TMEM266: variants seen among roughly 807,000 people sequenced by gnomAD.
TMEM266 encodes Hv1 related protein 1.
TMEM266 carries 33 observed loss-of-function variants against 50.5 expected under a neutral mutation model. That is an observed-to-expected ratio of 0.65 (90% CI 0.50 to 0.87). The LOEUF is 0.87. Ranked by LOEUF, TMEM266 falls within the 40% of genes least tolerant of loss-of-function variation. The pLI, the probability that TMEM266 is intolerant of heterozygous loss-of-function variation, is 0.00. For missense variants in TMEM266, 655 were observed against 695.1 expected (o/e 0.94, Z 0.65); for synonymous variants, 310 against 292.3 (o/e 1.06, Z -0.62).
chr15:76,097,191 G>T (rs1259166235), intron 1 of TMEM266, among the ~76,000 whole-genome samples: 3 of 151,954 alleles, frequency 2.0e-5, no homozygotes, highest in Non-Finnish European at 4.4e-5. Flanking sequence ...GTCAATTGAT[G>T]CAGTTTCTTC....
At chr15:76,189,459 C>T (rs1019780919) in intron 8 of TMEM266, among the ~76,000 whole-genome samples, 2 of 152,122 alleles carry the variant, frequency 1.3e-5, no homozygotes, top group African/African-American at 2.4e-5. Context: ...TAGTGAATTG[C>T]GGGGAAATGA....
chr15:76,144,330 G>T (rs1461673976), intron 3 of TMEM266, among the ~76,000 whole-genome samples: 1 of 150,156 alleles, frequency 6.7e-6, no homozygotes, highest in Admixed American at 6.6e-5. Flanking sequence ...GAAGCCTGCT[G>T]TGGTTACCTC....
chr15:76,161,624 C>T lies in TMEM266; in HGVS notation c.456+1456C>T, dbSNP rs960907571. On this transcript the variant is annotated intron_variant, in intron 5 of 10. Coordinates refer to ENST00000388942, the MANE Select transcript of TMEM266 (RefSeq NM_152335.3). The surrounding 1 kb of genome is among the most constrained non-coding windows in gnomAD (Gnocchi z 4.1). The stretch of plus-strand genomic sequence containing the variant: ...GCCTCGCCTCCTACAGCCCACGGAG[C>T]TGGCTGGTGAGCCTGGGCCTGAGGC... Among the ~76,000 whole-genome samples, 1 of 152,212 alleles carries T rather than the reference C, an allele frequency of 6.6e-6. No individual in the cohort carries two copies. Among genetic ancestry groups the T allele is most frequent in the Non-Finnish European group, 1.5e-5 (1 of 68,030 alleles).
intron 9 of TMEM266, among the ~76,000 whole-genome samples, chr15:76,196,230 C>A (rs1029728021): frequency 1.3e-5 from 2 of 152,168 alleles, no homozygotes; most frequent in Non-Finnish European, 2.9e-5. Flanking sequence ...CCCTGGGATC[C>A]CCCTGCCCAC....
At chr15:76,187,625 T>G (rs1289749533) in intron 8 of TMEM266, among the ~76,000 whole-genome samples, 1 of 152,226 alleles carries the variant, frequency 6.6e-6, no homozygotes, top group Non-Finnish European at 1.5e-5. Flanking sequence ...TTTGAGTGTT[T>G]TAAGTGCTGG....
rs568809810 is a variant in TMEM266 at position 76,193,165 on chromosome 15, G to A, written c.958+1008G>A. On this transcript the variant is annotated intron_variant, in intron 9 of 10. Coordinates refer to ENST00000388942, the MANE Select transcript of TMEM266 (RefSeq NM_152335.3). Reference sequence around the variant, plus strand: ...TGCCTCACAGGACTTACGAGGAACCGATGGGTGTGAGAAAGCTCTGAGGGC... The same window carrying A: ...TGCCTCACAGGACTTACGAGGAACCAATGGGTGTGAGAAAGCTCTGAGGGC... 2.6e-5 allele frequency among the ~76,000 whole-genome samples: 4 copies of A among 152,326 alleles called. No homozygotes were observed. The East Asian group carries it at 7.7e-4, about 29-fold the overall frequency.
chr15:76,200,516 T>G (rs1310527949), intron 9 of TMEM266, among the ~76,000 whole-genome samples: 1 of 152,202 alleles, frequency 6.6e-6, no homozygotes, highest in African/African-American at 2.4e-5. Context: ...CTCCTGCAAG[T>G]GGCTCTTGGG....
At chr15:76,172,050 A>G (rs1397859709) in intron 7 of TMEM266, among the ~76,000 whole-genome samples, 1 of 152,068 alleles carries the variant, frequency 6.6e-6, no homozygotes, top group Non-Finnish European at 1.5e-5. Flanking sequence ...GAAGAGGCCC[A>G]CCCCACCTCA....
chr15:76,196,960 A>C (rs1013858565), intron 9 of TMEM266, among the ~76,000 whole-genome samples: 14 of 152,372 alleles, frequency 9.2e-5, no homozygotes, highest in Non-Finnish European at 8.8e-5. Context: ...AAGCTCGCCC[A>C]TAACTTATGA....
chr15:76,064,584 G>A (rs1170125292), intron 1 of TMEM266, among the ~76,000 whole-genome samples: 1 of 152,266 alleles, frequency 6.6e-6, no homozygotes, highest in East Asian at 1.9e-4. Flanking sequence ...CCTCCTCCCG[G>A]ATGGCTTTAA....
intron 1 of TMEM266, among the ~76,000 whole-genome samples, chr15:76,123,901 C>A (rs998841175): frequency 6.6e-6 from 1 of 152,114 alleles, no homozygotes; most frequent in Non-Finnish European, 1.5e-5. Context: ...TTAGTAGAGA[C>A]GGGGTTTCGC....
intron 1 of TMEM266, among the ~76,000 whole-genome samples, chr15:76,106,876 T>A (rs191012589): frequency 2.0e-5 from 3 of 152,378 alleles, no homozygotes; most frequent in Admixed American, 6.5e-5. Flanking sequence ...AATTTTCAAG[T>A]ATACTATCTA....
intron 1 of TMEM266, among the ~76,000 whole-genome samples, chr15:76,075,154 G>C (rs111533875): frequency 1.3e-3 from 193 of 152,176 alleles, no homozygotes; most frequent in Non-Finnish European, 2.3e-3. Flanking sequence ...GGAGAAGATG[G>C]GGCTGGAGAC....
At chr15:76,102,359 G>A (rs1375400823) in intron 1 of TMEM266, among the ~76,000 whole-genome samples, 2 of 152,130 alleles carry the variant, frequency 1.3e-5, no homozygotes, top group Admixed American at 1.3e-4. Context: ...ATAAAGCTGG[G>A]AGATAGGGAA....
intron 1 of TMEM266, among the ~76,000 whole-genome samples, chr15:76,089,715 A>C (rs2036823922): frequency 6.6e-6 from 1 of 152,180 alleles, no homozygotes; most frequent in African/African-American, 2.4e-5. Context: ...TGAAGGATGT[A>C]CCGACAGGAG....
chr15:76,156,532 G>T (rs1434585617), intron 3 of TMEM266, 72 bp from the exon 4 acceptor site: 8 of 1,532,648 alleles, frequency 5.2e-6, no homozygotes, highest in Non-Finnish European at 7.1e-6. Context: ...TGAGAGCAGG[G>T]CTTTGGCCGG....
intron 9 of TMEM266, among the ~76,000 whole-genome samples, chr15:76,196,147 G>A (rs2038652784): frequency 6.6e-6 from 1 of 152,244 alleles, no homozygotes; most frequent in Admixed American, 6.5e-5. Context: ...TATCTGGATA[G>A]GGCAGGCCCA....
Position 76,140,092 on chromosome 15 carries a change from G to A in TMEM266, c.227+2197G>A, listed in dbSNP as rs561102580. Among the ~76,000 whole-genome samples, 26 of 152,346 alleles carry A rather than the reference G, an allele frequency of 1.7e-4. No individual in the cohort carries two copies. In the South Asian group the frequency reaches 5.2e-3, roughly 30 times the overall value. ...CCAAACAAACGAATCCAAATGAAGCGCCTGCAAGGCAGAGAGGCCTTTGAT... is the reference window on the plus strand; with the variant it reads ...CCAAACAAACGAATCCAAATGAAGCACCTGCAAGGCAGAGAGGCCTTTGAT... On this transcript the variant is annotated intron_variant, in intron 3 of 10. Coordinates refer to ENST00000388942, the MANE Select transcript of TMEM266 (RefSeq NM_152335.3).
intron 3 of TMEM266, among the ~76,000 whole-genome samples, chr15:76,138,418 C>T (rs1215268921): frequency 6.6e-6 from 1 of 152,032 alleles, no homozygotes; most frequent in Admixed American, 6.5e-5. Context: ...CAGACGACCT[C>T]TTAGGAGAAT....
Sources: gnomAD v4.1 joint callset for allele counts (sites outside exome capture counted in the v4.1 genomes callset) on GRCh38, gnomAD v4.1.1 for gene constraint, Gnocchi (gnomAD v3.1) non-coding constraint, MANE v1.5 for transcripts, NCBI Gene and HGNC (gene_info 2026-07-23, HGNC 2026-07-21) for gene names.